Variants in HRNR observed in about 807,000 individuals in gnomAD.
HRNR encodes hornerin, also known as filaggrin family member 3.
HRNR carries 7 observed loss-of-function variants against 4.8 expected under a neutral mutation model. The observed-to-expected ratio is 1.47, with a 90% CI of 0.83 to 2.75. The LOEUF is 2.75. Among genes scored for constraint, HRNR ranks in the 30% most tolerant of loss-of-function variants. The probability of loss-of-function intolerance (pLI) is 0.00; values close to 1 mark genes in which losing one functional copy is unlikely to be tolerated. For missense variants in HRNR, 2,879 were observed against 3,010.4 expected (o/e 0.96, Z 1.02); for synonymous variants, 1,023 against 1,242.7 (o/e 0.82, Z 3.72).
At position 152,219,998 on chromosome 1, in the gene HRNR, C is replaced by T; in HGVS notation, c.1631G>A (p.Ser544Asn). Residue 544 changes from serine (S) to asparagine (N), a missense_variant, in exon 3 of 3, where the codon AGC becomes AAC. By Grantham distance (46) the Ser-to-Asn change is conservative. Transcript: ENST00000368801. The part of the protein sequence containing the change: ...GSGSGQSPSP[S>N]RGRHESGSRQ... ...GGAACCAGACTCATGTCGGCCACGG[C>T]TAGGGCTAGGAGACTGGCCAGATCC... The T allele has an allele frequency of 6.2e-7, 1 of 1,613,906 alleles. No individual in the cohort carries two copies. The highest frequency in any genetic ancestry group is 8.5e-7 in the Non-Finnish European group (1 of 1,179,948).
At position 152,218,707 on chromosome 1, in the gene HRNR, T is replaced by G. The variant is rs550385040; in HGVS notation, c.2922A>C (p.Gly974=). Residue 974 remains glycine (G), a synonymous_variant, in exon 3 of 3, where the codon GGA becomes GGC. Transcript: ENST00000368801. ...SGQSSRSEQH[G]SSSGSSSSYG... is the part of the protein sequence containing the mutation. ...AGCTGGAAGACGAACCTGAGCTAGA[T>G]CCATGTTGTTCGCTCCTAGATGACT... 3.7e-6 allele frequency: 6 copies of G among 1,609,350 alleles called. No individual in the cohort carries two copies. Among genetic ancestry groups the G allele is most frequent in the East Asian group, 2.2e-5 (1 of 44,524 alleles).
In HRNR at chr1:152,220,091, G is replaced by T; in HGVS notation, c.1538C>A (p.Ser513Ter). 1 of 1,612,720 alleles carries T rather than the reference G, an allele frequency of 6.2e-7. No individual in the cohort carries two copies. Among genetic ancestry groups the T allele is most frequent in the Non-Finnish European group, 8.5e-7 (1 of 1,179,512 alleles). The change falls in exon 3 of 3, where the codon TCA becomes TAA. Residue 513 changes from serine to a stop codon, truncating the protein, a stop_gained. Coordinates refer to ENST00000368801, the MANE Select transcript of HRNR (RefSeq NM_001009931.3). LOFTEE classifies it low-confidence loss of function (END_TRUNC). The part of the protein sequence containing the change: ...RGERQGSSAG[S>*]SSSYGQHGSG... Reference sequence around the variant, plus strand: ...CCCATGCTGACCATAGCTGGAAGATGAACCTGCACTAGATCCTTGTCGTTC... The same window carrying T: ...CCCATGCTGACCATAGCTGGAAGATTAACCTGCACTAGATCCTTGTCGTTC...
Position 152,219,003 on chromosome 1 carries a change from G to C in HRNR, c.2626C>G (p.His876Asp), listed in dbSNP as rs1397693171. The C allele has an allele frequency of 6.2e-7, 1 of 1,613,892 alleles. No individual in the cohort carries two copies. Among genetic ancestry groups the C allele is most frequent in the African/African-American group, 1.3e-5 (1 of 74,892 alleles). The change falls in exon 3 of 3, where the codon CAC becomes GAC. Residue 876 changes from histidine (H) to aspartate (D), a missense_variant. By Grantham distance (81) the His-to-Asp change is moderately conservative (BLOSUM62 -1). Around this residue, in one of 8 missense-constraint regions of HRNR, gnomAD observed 2,646 missense variants for 1,377.7 expected, o/e 1.92. Coordinates refer to ENST00000368801, the MANE Select transcript of HRNR (RefSeq NM_001009931.3). ...SYGQHESASH[H>D]ASGRGRHGSG... is the part of the protein sequence containing the mutation. Reference sequence around the variant, plus strand: ...CCATGTCGGCCGCGGCCCGAAGCGTGATGGGAGGCAGACTCATGCTGACCA... The same window carrying C: ...CCATGTCGGCCGCGGCCCGAAGCGTCATGGGAGGCAGACTCATGCTGACCA...
chr1:152,220,369 A>G lies in HRNR; in HGVS notation c.1260T>C (p.Ser420=), dbSNP rs768782028. Residue 420 remains serine, a synonymous_variant, in exon 3 of 3, where the codon TCT becomes TCC. Coordinates refer to ENST00000368801, the MANE Select transcript of HRNR (RefSeq NM_001009931.3). The part of the protein sequence containing the change: ...SSGRGQHSSG[S]GQSPGHGQRG... ...GCTGGCCGTGGCCTGGAGACTGGCC[A>G]GATCCAGAGCTGTGTTGGCCGCGGC... The G allele has an allele frequency of 6.2e-6, 10 of 1,613,506 alleles. No individual in the cohort carries two copies. The highest frequency in any genetic ancestry group is 8.5e-6 in the Non-Finnish European group (10 of 1,179,738).
chr1:152,218,456 C>A lies in HRNR; in HGVS notation c.3173G>T (p.Gly1058Val), dbSNP rs768182514. The change falls in exon 3 of 3, where the codon GGA becomes GTA. Residue 1058 changes from glycine to valine, a missense_variant. By Grantham distance (109) the Gly-to-Val change is moderately radical. Transcript: ENST00000368801. ...ATGTTGACCGTAGCCAGAGGACTGT[C>A]CTGAGCGAGACTCTCGGTGACCTAA... ...SGLGHRESRS[G>V]QSSGYGQHGS... The A allele has an allele frequency of 6.2e-7, 1 of 1,613,714 alleles. No individual in the cohort carries two copies. The highest frequency in any genetic ancestry group is 1.1e-5 in the South Asian group (1 of 91,062).
Position 152,219,030 on chromosome 1 carries a change from A to G in HRNR, c.2599T>C (p.Tyr867His), listed in dbSNP as rs143308650. 1.2e-6 allele frequency: 2 copies of G among 1,613,676 alleles called. No homozygotes were observed. Among genetic ancestry groups the G allele is most frequent in the Admixed American group, 1.7e-5 (1 of 59,966 alleles). ...HDSSSGQSSS[Y>H]GQHESASHHA... Reference sequence around the variant, plus strand: ...TGGGAGGCAGACTCATGCTGACCATAGCTGGAAGATTGACCTGAGCTAGAG... The same window carrying G: ...TGGGAGGCAGACTCATGCTGACCATGGCTGGAAGATTGACCTGAGCTAGAG... Residue 867 changes from tyrosine (Y) to histidine (H), a missense_variant, in exon 3 of 3, where the codon TAT becomes CAT. This residue lies in a region of HRNR where 2,646 missense variants were observed against 1,377.7 expected (regional missense o/e 1.92). Transcript: ENST00000368801.
Position 152,220,027 on chromosome 1 carries a change from C to T in HRNR, c.1602G>A (p.Gly534=). ...GGCTAGGAGACTGGCCAGATCCAGACCCATGTCGGCTGTGTCCCAAAGATT... is the reference window on the plus strand; with the variant it reads ...GGCTAGGAGACTGGCCAGATCCAGATCCATGTCGGCTGTGTCCCAAAGATT... ...SRQSLGHSRH[G]SGSGQSPSPS... Residue 534 remains glycine, a synonymous_variant, in exon 3 of 3, where the codon GGG becomes GGA. Transcript: ENST00000368801. 1 of 1,613,370 alleles carries T rather than the reference C, an allele frequency of 6.2e-7. No homozygotes were observed. The highest frequency in any genetic ancestry group is 8.5e-7 in the Non-Finnish European group (1 of 1,179,796).
Position 152,212,179 on chromosome 1 carries a change from G to A in HRNR, c.*897C>T, listed in dbSNP as rs1044877121. ...TACAGTCAAATTAAGGAACTATGTA[G>A]CAGTGACAGATACTCTTCCTTTTCA... On this transcript the variant is annotated 3_prime_UTR_variant, in exon 3 of 3. Transcript: ENST00000368801. 2 of 152,190 alleles carry A rather than the reference G, an allele frequency of 1.3e-5. No individual in the cohort carries two copies. The highest frequency in any genetic ancestry group is 3.8e-4 in the East Asian group (2 of 5,200). 9.4% of individuals were successfully genotyped at this position (152,190 alleles called of 1,614,324 possible).
Position 152,213,190 on chromosome 1 carries a change from G to A in HRNR, c.8439C>T (p.Cys2813=). The A allele has an allele frequency of 6.2e-7, 1 of 1,614,082 alleles. No individual in the cohort carries two copies. The highest frequency in any genetic ancestry group is 1.1e-5 in the South Asian group (1 of 91,088). ...SGSGQDGYSY[C]KGGSNHDGGS... is the part of the protein sequence containing the mutation. Reference sequence around the variant, plus strand: ...CCCCATCATGGTTACTTCCTCCTTTGCAATAAGAATACCCATCTTGCCCTG... The same window carrying A: ...CCCCATCATGGTTACTTCCTCCTTTACAATAAGAATACCCATCTTGCCCTG... The change falls in exon 3 of 3, where the codon TGC becomes TGT. Residue 2813 remains cysteine (C), a synonymous_variant. Coordinates refer to ENST00000368801, the MANE Select transcript of HRNR (RefSeq NM_001009931.3).
chr1:152,221,265 G>A lies in HRNR; in HGVS notation c.364C>T (p.Arg122Trp), dbSNP rs57277761. ...GAATGACTAAAAGAGGATTCTTGCCGTTTGTTCTCCTCTTTTTCAGTTTCT... is the reference window on the plus strand; with the variant it reads ...GAATGACTAAAAGAGGATTCTTGCCATTTGTTCTCCTCTTTTTCAGTTTCT... ...QEETEKEENK[R>W]QESSFSHSSW... Residue 122 changes from arginine (R) to tryptophan (W), a missense_variant, in exon 3 of 3, where the codon CGG becomes TGG. Transcript: ENST00000368801. 3.4e-3 allele frequency: 5,454 copies of A among 1,614,022 alleles called. 136 individuals carry two copies. In the African/African-American group the frequency reaches 0.054, roughly 16 times the overall value.
At position 152,223,177 on chromosome 1, in the gene HRNR, TCATACTCCC is replaced by T. The variant is rs1649058679; in HGVS notation, c.68_76del (p.Gly23_Tyr25del). 1 of 1,613,770 alleles carries T rather than the reference TCATACTCCC, an allele frequency of 6.2e-7. No individual in the cohort carries two copies. The highest frequency in any genetic ancestry group is 1.7e-5 in the Admixed American group (1 of 59,998). On this transcript the variant is annotated inframe_deletion, in exon 2 of 3. Transcript: ENST00000368801. ...TTTCAGCTCTGCCTTGTTCAACGTATCATACTCCCCATGCTGGGTGGCATATTGGTAGAA... is the reference window on the plus strand; with the variant it reads ...TTTCAGCTCTGCCTTGTTCAACGTATCATGCTGGGTGGCATATTGGTAGAA...
chr1:152,218,543 G>T lies in HRNR; in HGVS notation c.3086C>A (p.Ser1029Tyr), dbSNP rs778521077. 3.0e-5 allele frequency: 49 copies of T among 1,613,846 alleles called. No individual in the cohort carries two copies. Among genetic ancestry groups the T allele is most frequent in the African/African-American group, 4.0e-5 (3 of 74,978 alleles). The change falls in exon 3 of 3, where the codon TCT (serine) becomes TAT (tyrosine). Residue 1029 changes from serine to tyrosine, a missense_variant. Physicochemically the swap from Ser to Tyr is moderately radical, Grantham distance 144. Transcript: ENST00000368801. ...ACGGCTTGAAGACCACCCTGAGCCAGACCTATATGGGCCATAGCTGGAAGA... is the reference window on the plus strand; with the variant it reads ...ACGGCTTGAAGACCACCCTGAGCCATACCTATATGGGCCATAGCTGGAAGA... Reference protein sequence around the residue: ...GQSSSYGPYRSGSGWSSSRGP... With the variant: ...GQSSSYGPYRYGSGWSSSRGP...
Position 152,219,189 on chromosome 1 carries a change from C to G in HRNR, c.2440G>C (p.Ala814Pro), listed in dbSNP as rs754258783. ...CGHYESGSGQ[A>P]SGFGQHESGS... is the part of the protein sequence containing the mutation. The stretch of plus-strand genomic sequence containing the variant: ...GACTCGTGTTGCCCAAAACCAGAAG[C>G]CTGGCCTGAGCCAGACTCATAATGG... Residue 814 changes from alanine (A) to proline (P), a missense_variant, in exon 3 of 3, where the codon GCT becomes CCT. By Grantham distance (27) the Ala-to-Pro change is conservative (BLOSUM62 -1). This residue lies in a region of HRNR where 2,646 missense variants were observed against 1,377.7 expected (regional missense o/e 1.92). Transcript: ENST00000368801. 2 of 1,612,358 alleles carry G rather than the reference C, an allele frequency of 1.2e-6. No individual in the cohort carries two copies. Among genetic ancestry groups the G allele is most frequent in the African/African-American group, 1.3e-5 (1 of 74,492 alleles).
rs1275675202 is a variant in HRNR at position 152,218,831 on chromosome 1, C to G, written c.2798G>C (p.Gly933Ala). Residue 933 changes from glycine to alanine, a missense_variant, in exon 3 of 3, where the codon GGT becomes GCT. Gly to Ala is a moderately conservative substitution (Grantham distance 60). Coordinates refer to ENST00000368801, the MANE Select transcript of HRNR (RefSeq NM_001009931.3). ...GSGSGQSSGF[G>A]HKSSSGQSSG... ...GGACTGCCCTGAGCTAGACTTGTGA[C>G]CAAAGCCAGAAGACTGGCCTGAGCC... 6.2e-7 allele frequency: 1 copy of G among 1,613,878 alleles called. No individual in the cohort carries two copies. Among genetic ancestry groups the G allele is most frequent in the Admixed American group, 1.7e-5 (1 of 59,992 alleles).
chr1:152,221,075 T>G lies in HRNR; in HGVS notation c.554A>C (p.Asp185Ala), dbSNP rs1432553571. The change falls in exon 3 of 3, where the codon GAC becomes GCC. Residue 185 changes from aspartate (D) to alanine (A), a missense_variant. Transcript: ENST00000368801. ...QSSSYGEQNS[D>A]SHQSSGRGQC... The stretch of plus-strand genomic sequence containing the variant: ...GCCGCGGCCTGAAGACTGATGGGAG[T>G]CGGAGTTTTGCTCACCATAGCTGGA... 2 of 1,612,752 alleles carry G rather than the reference T, an allele frequency of 1.2e-6. No homozygotes were observed. Among genetic ancestry groups the G allele is most frequent in the African/African-American group, 2.7e-5 (2 of 74,730 alleles).
Position 152,218,695 on chromosome 1 carries a change from A to C in HRNR, c.2934T>G (p.Gly978=). ...SRSEQHGSSS[G]SSSSYGQHGS... ...CATGCTGACCATAGCTGGAAGACGA[A>C]CCTGAGCTAGATCCATGTTGTTCGC... is the stretch of plus-strand genomic sequence containing the variant. Residue 978 remains glycine, a synonymous_variant, in exon 3 of 3, where the codon GGT becomes GGG. Coordinates refer to ENST00000368801, the MANE Select transcript of HRNR (RefSeq NM_001009931.3). 1 of 1,613,694 alleles carries C rather than the reference A, an allele frequency of 6.2e-7. No homozygotes were observed. Among genetic ancestry groups the C allele is most frequent in the Non-Finnish European group, 8.5e-7 (1 of 1,179,982 alleles).
In HRNR at chr1:152,221,343, C is replaced by T; in HGVS notation, c.286G>A (p.Val96Ile). 2 of 1,613,982 alleles carry T rather than the reference C, an allele frequency of 1.2e-6. No individual in the cohort carries two copies. The highest frequency in any genetic ancestry group is 1.7e-6 in the Non-Finnish European group (2 of 1,180,028). Residue 96 changes from valine to isoleucine, a missense_variant, in exon 3 of 3, where the codon GTT becomes ATT. Transcript: ENST00000368801. ...NKIIGKDYCQVSGSKLRDDTH... is the reference protein window; with the variant it reads ...NKIIGKDYCQISGSKLRDDTH... The stretch of plus-strand genomic sequence containing the variant: ...TCATCTCTCAGCTTTGACCCTGAAA[C>T]TTGGCAGTAATCTTTGCCAATGATT...
rs539995597 is a variant in HRNR, at chr1:152,220,736, C to A, written c.893G>T (p.Arg298Leu). 3.1e-5 allele frequency: 50 copies of A among 1,613,490 alleles called. No individual in the cohort carries two copies. The highest frequency in any genetic ancestry group is 4.2e-5 in the Non-Finnish European group (50 of 1,179,920). ...SGSRQSLGHG[R>L]QGSGSRQSPS... ...AGACTGGCGAGATCCAGACCCTTGT[C>A]GGCCGTGGCCCAAAGACTGACGGGA... Residue 298 changes from arginine to leucine, a missense_variant, in exon 3 of 3, where the codon CGA (arginine) becomes CTA (leucine). Transcript: ENST00000368801.
At position 152,218,726 on chromosome 1, in the gene HRNR, G is replaced by T. The variant is rs751334503; in HGVS notation, c.2903C>A (p.Ser968Tyr). ...GCTAGATCCATGTTGTTCGCTCCTA[G>T]ATGACTGTCCTGACCTAGAGCCGTG... ...EQHGSRSGQSSRSEQHGSSSG... is the reference protein window; with the variant it reads ...EQHGSRSGQSYRSEQHGSSSG... The change falls in exon 3 of 3, where the codon TCT becomes TAT. Residue 968 changes from serine to tyrosine, a missense_variant. Around this residue, in one of 8 missense-constraint regions of HRNR, gnomAD observed 2,646 missense variants for 1,377.7 expected, o/e 1.92. Coordinates refer to ENST00000368801, the MANE Select transcript of HRNR (RefSeq NM_001009931.3). 1.4e-5 allele frequency: 23 copies of T among 1,613,930 alleles called. 1 individual carries two copies. Among genetic ancestry groups the T allele is most frequent in the Middle Eastern group, 3.3e-4 (2 of 6,084 alleles).
Sources: gnomAD v4.1 joint callset for allele counts on GRCh38, gnomAD v4.1.1 for gene constraint, gnomAD v4.1.1 regional missense constraint, MANE v1.5 for transcripts, NCBI Gene and HGNC (gene_info 2026-07-23, HGNC 2026-07-21) for gene names.